Variants in NAV2 observed in about 807,000 individuals in gnomAD.
The protein encoded by NAV2 is helicase, APC down-regulated 1.
NAV2 carries 54 observed loss-of-function variants against 223.2 expected under a neutral mutation model. That is an observed-to-expected ratio of 0.24 (90% CI 0.19 to 0.30). The LOEUF is 0.30. NAV2 is among the 10% of genes least tolerant of loss of function. The pLI is 1.00. For missense variants in NAV2, 2,806 were observed against 3,147.5 expected (o/e 0.89, Z 2.60); for synonymous variants, 1,279 against 1,239.3 (o/e 1.03, Z -0.67).
intron 6 of NAV2, among the ~76,000 whole-genome samples, chr11:19,926,872 T>A (rs750638150): frequency 7.9e-5 from 12 of 152,252 alleles, no homozygotes; most frequent in Admixed American, 3.3e-4. Flanking sequence ...TCTCCCTGAG[T>A]GCCTGTTGGC....
chr11:19,381,531 C>T (rs909728432), intron 1 of NAV2, among the ~76,000 whole-genome samples: 5 of 152,092 alleles, frequency 3.3e-5, no homozygotes, highest in African/African-American at 1.2e-4. Flanking sequence ...CTGACTCTTT[C>T]CAGAGATGAG....
At chr11:19,616,335 T>TGTGTGTGC (rs1159006427) in intron 1 of NAV2, among the ~76,000 whole-genome samples, 11 of 148,402 alleles carry the variant, frequency 7.4e-5, no homozygotes, top group African/African-American at 2.7e-4. Flanking sequence ...TGTGTGTGTG[T>TGTGTGTGC]GCGCGCGCAT....
intron 26 of NAV2, among the ~76,000 whole-genome samples, chr11:20,087,665 G>T (rs944424216): frequency 1.3e-5 from 2 of 152,180 alleles, no homozygotes; most frequent in Non-Finnish European, 2.9e-5. Flanking sequence ...CACACATAAG[G>T]TGTCTTCAGT....
At chr11:19,940,213 T>C (rs751982984) in intron 8 of NAV2, among the ~76,000 whole-genome samples, 4 of 151,976 alleles carry the variant, frequency 2.6e-5, no homozygotes, top group African/African-American at 4.8e-5. Flanking sequence ...CCTATGTGAA[T>C]TGGGGGGGAA....
At chr11:19,407,153 A>G (rs927755650) in intron 1 of NAV2, among the ~76,000 whole-genome samples, 5 of 152,112 alleles carry the variant, frequency 3.3e-5, no homozygotes, top group African/African-American at 1.2e-4. Flanking sequence ...TTCTCTGCAT[A>G]TTTACTCATT....
At chr11:19,999,379 G>A (rs922067621) in intron 11 of NAV2, among the ~76,000 whole-genome samples, 4 of 152,176 alleles carry the variant, frequency 2.6e-5, no homozygotes, top group African/African-American at 9.7e-5. Flanking sequence ...AAAATGTGGG[G>A]TTTTTTTGGA....
chr11:19,524,006 G>C (rs1310342606), intron 1 of NAV2, among the ~76,000 whole-genome samples: 1 of 152,188 alleles, frequency 6.6e-6, no homozygotes, highest in Non-Finnish European at 1.5e-5. Context: ...AGATACTCCA[G>C]GCTGGTTAGA....
At chr11:19,413,022 A>G (rs574351335) in intron 1 of NAV2, among the ~76,000 whole-genome samples, 2 of 152,320 alleles carry the variant, frequency 1.3e-5, no homozygotes, top group African/African-American at 4.8e-5. Flanking sequence ...CTCTTCCCCT[A>G]CAAAGGATCA....
At chr11:20,088,174 A>T (rs1256009379) in intron 26 of NAV2, among the ~76,000 whole-genome samples, 1 of 152,074 alleles carries the variant, frequency 6.6e-6, no homozygotes, top group Non-Finnish European at 1.5e-5. Context: ...CTGCAAAAGA[A>T]TGTGTTTTCT....
intron 1 of NAV2, among the ~76,000 whole-genome samples, chr11:19,535,212 C>A (rs2134465442): frequency 6.6e-6 from 1 of 152,252 alleles, no homozygotes; most frequent in Admixed American, 6.5e-5. Flanking sequence ...CAGGAAGCTG[C>A]TGGAATGGAA....
At position 19,988,239 on chromosome 11, in the gene NAV2, G is replaced by A. The variant is rs529810198; in HGVS notation, c.2768+3992G>A. Among the ~76,000 whole-genome samples, 16 of 152,260 alleles carry A rather than the reference G, an allele frequency of 1.1e-4. No homozygotes were observed. The South Asian group carries it at 2.3e-3, about 22-fold the overall frequency. On this transcript the variant is annotated intron_variant, in intron 11 of 37. Transcript: ENST00000349880. Reference sequence around the variant, plus strand: ...GCTGAGCCAGTTAGATGCTCCTCTCGAATGTCATCCCAAGATCACATAAAC... The same window carrying A: ...GCTGAGCCAGTTAGATGCTCCTCTCAAATGTCATCCCAAGATCACATAAAC...
chr11:19,547,775 A>C (rs1320809398), intron 1 of NAV2, among the ~76,000 whole-genome samples: 1 of 152,226 alleles, frequency 6.6e-6, no homozygotes, highest in African/African-American at 2.4e-5. Flanking sequence ...TAGTGGTAGA[A>C]TAGTGGTAAT....
chr11:20,090,051 G>A (rs1310281575), intron 26 of NAV2, among the ~76,000 whole-genome samples: 1 of 152,138 alleles, frequency 6.6e-6, no homozygotes, highest in African/African-American at 2.4e-5. Context: ...AGCAGTGTGG[G>A]GGCTGAGAGA....
intron 4 of NAV2, among the ~76,000 whole-genome samples, chr11:19,875,730 T>C (rs1485834750): frequency 6.6e-6 from 1 of 152,218 alleles, no homozygotes; most frequent in South Asian, 2.1e-4. Flanking sequence ...CATTAGATTG[T>C]ATACTTAATT....
chr11:19,699,489 A>T (rs1477168079), intron 1 of NAV2, among the ~76,000 whole-genome samples: 1 of 152,186 alleles, frequency 6.6e-6, no homozygotes, highest in Non-Finnish European at 1.5e-5. Flanking sequence ...AGATACCAGT[A>T]TGAAGAGGTG....
chr11:19,704,686 G>A (rs2049604494), intron 1 of NAV2, among the ~76,000 whole-genome samples: 1 of 152,034 alleles, frequency 6.6e-6, no homozygotes, highest in Admixed American at 6.5e-5. Flanking sequence ...ATTATTATTG[G>A]GTCAACTATG....
chr11:19,618,115 A>T (rs1289305001), intron 1 of NAV2, among the ~76,000 whole-genome samples: 1 of 152,234 alleles, frequency 6.6e-6, no homozygotes, highest in Non-Finnish European at 1.5e-5. Context: ...AAGACCCATA[A>T]GGCAGATATT....
intron 1 of NAV2, among the ~76,000 whole-genome samples, chr11:19,688,780 C>T (rs534200429): frequency 9.2e-5 from 14 of 152,216 alleles, no homozygotes; most frequent in African/African-American, 3.1e-4. Flanking sequence ...TAGTATCAGG[C>T]TTTACCTCTG....
chr11:19,829,169 G>C (rs935643207), intron 1 of NAV2, among the ~76,000 whole-genome samples: 2 of 152,184 alleles, frequency 1.3e-5, no homozygotes, highest in Admixed American at 6.5e-5. Flanking sequence ...TTCTCACTCA[G>C]CTGATGTTTT....
Sources: allele counts gnomAD v4.1 joint callset (sites outside exome capture counted in the v4.1 genomes callset), GRCh38; gene constraint gnomAD v4.1.1; transcripts MANE v1.5; gene names NCBI Gene and HGNC (gene_info 2026-07-23, HGNC 2026-07-21).